Variants in RGS7 observed in about 807,000 individuals in gnomAD.
RGS7 encodes regulator of G-protein signaling 7.
In RGS7, 27 loss-of-function variants were observed where a neutral mutation model predicts 81.1. The ratio of observed to expected loss-of-function variants is 0.33; its 90% CI spans 0.25 to 0.46. The LOEUF (loss-of-function observed/expected upper bound fraction) is 0.46. RGS7 is among the 20% of genes least tolerant of loss of function. The pLI is 1.00. For missense variants in RGS7, 396 were observed against 607.4 expected, an observed-to-expected ratio of 0.65 and a Z score of 3.66; for synonymous variants, 208 against 207.7, an observed-to-expected ratio of 1.00 and a Z score of -0.01.
At chr1:241,001,150 A>G (rs1206774830) in intron 3 of RGS7, among the ~76,000 whole-genome samples, 1 of 152,190 alleles carries the variant, frequency 6.6e-6, no homozygotes. Context: ...GTGTGTTTTC[A>G]TAGGCTAATT....
intron 6 of RGS7, among the ~76,000 whole-genome samples, chr1:240,927,880 T>C (rs1674719872): frequency 6.6e-6 from 1 of 152,116 alleles, no homozygotes; most frequent in Non-Finnish European, 1.5e-5. Flanking sequence ...TAGGAGATGA[T>C]CCCCTCAGAA....
chr1:241,132,724 CAAT>C (rs2067193738), intron 2 of RGS7, among the ~76,000 whole-genome samples: 1 of 151,148 alleles, frequency 6.6e-6, no homozygotes, highest in African/African-American at 2.5e-5. Flanking sequence ...TAAGGTCTGT[CAAT>C]AATTCAACTT....
intron 2 of RGS7, among the ~76,000 whole-genome samples, chr1:241,225,526 A>C (rs11586394): frequency 0.18 from 26,820 of 152,202 alleles, 2,700 homozygotes; most frequent in Middle Eastern, 0.23. Context: ...CACTTGGTAC[A>C]TAGTGTTTGC....
At chr1:241,353,698 C>G (rs2083387704) in intron 2 of RGS7, among the ~76,000 whole-genome samples, 1 of 152,068 alleles carries the variant, frequency 6.6e-6, no homozygotes, top group Admixed American at 6.6e-5. Flanking sequence ...ATGAGTAGCA[C>G]AAGCAGTTCC....
chr1:241,027,931 T>C (rs959485646), intron 3 of RGS7, among the ~76,000 whole-genome samples: 2 of 152,170 alleles, frequency 1.3e-5, no homozygotes, highest in African/African-American at 4.8e-5. Context: ...ACAGGAAATA[T>C]GTGATTTATT....
At chr1:241,295,183 T>A (rs747709034) in intron 2 of RGS7, among the ~76,000 whole-genome samples, 1 of 152,156 alleles carries the variant, frequency 6.6e-6, no homozygotes, top group South Asian at 2.1e-4. Context: ...GTGCGGTGGC[T>A]CACGCCTGTA....
At chr1:240,912,278 T>C (rs945779154) in intron 6 of RGS7, among the ~76,000 whole-genome samples, 2 of 151,894 alleles carry the variant, frequency 1.3e-5, no homozygotes, top group Non-Finnish European at 2.9e-5. Context: ...TAAAATGTAG[T>C]TGGACAAGCA....
intron 2 of RGS7, among the ~76,000 whole-genome samples, chr1:241,198,603 C>T (rs965671186): frequency 1.3e-5 from 2 of 151,316 alleles, no homozygotes; most frequent in African/African-American, 4.9e-5. Context: ...TGAAAAAACA[C>T]AAGCTAACTA....
chr1:240,850,029 A>G (rs1659823598), intron 9 of RGS7, among the ~76,000 whole-genome samples: 1 of 152,264 alleles, frequency 6.6e-6, no homozygotes, highest in South Asian at 2.1e-4. Context: ...ACCTGCCTTC[A>G]GTAACAGCTT....
intron 6 of RGS7, among the ~76,000 whole-genome samples, chr1:240,887,234 T>G (rs796555380): frequency 0.37 from 55,190 of 147,478 alleles, 10,743 homozygotes; most frequent in East Asian, 0.5. Context: ...AGGTTTTTTT[T>G]TTTTTTTTTT....
chr1:240,908,503 G>A (rs906337593), intron 6 of RGS7, among the ~76,000 whole-genome samples: 6 of 152,132 alleles, frequency 3.9e-5, no homozygotes, highest in South Asian at 2.1e-4. Flanking sequence ...ATCAATCAAC[G>A]TCTTTCCTAT....
chr1:241,276,735 T>C (rs2078212713), intron 2 of RGS7, among the ~76,000 whole-genome samples: 1 of 152,230 alleles, frequency 6.6e-6, no homozygotes, highest in South Asian at 2.1e-4. Flanking sequence ...TAAAATGTAC[T>C]ACCTGGCATA....
rs56232293 is a variant in RGS7, at chr1:240,932,513, C to CTTTTTT, written c.334-1751_334-1746dup. On this transcript the variant is annotated intron_variant, in intron 5 of 18. Coordinates refer to ENST00000440928, the MANE Select transcript of RGS7 (RefSeq NM_001364886.1). ...AACTTTGCTTTCATGTAGGGTGTCA[C>CTTTTTT]TTTTTTTTTTTTTGAGACAGGGTCT... 1.1e-3 allele frequency among the ~76,000 whole-genome samples: 144 copies of CTTTTTT among 126,866 alleles called. 35 individuals carry two copies. Among genetic ancestry groups the CTTTTTT allele is most frequent in the South Asian group, 1.7e-3 (7 of 4,104 alleles). 83.2% of individuals were successfully genotyped at this position (126,866 alleles called of 152,430 possible). A position where few individuals can be genotyped will look rare whatever the true frequency, so the allele number is the denominator to read the frequency against.
rs2064899736 is a variant in RGS7 at position 241,103,393 on chromosome 1, G to C, written c.79-4631C>G. On this transcript the variant is annotated intron_variant, in intron 2 of 18. Transcript: ENST00000440928. ...GAGCTGGCATGCCTTGGGTCACCGA[G>C]GATTTTTCTGAAGGCTATTTTCTTT... Among the ~76,000 whole-genome samples the C allele has an allele frequency of 2.0e-5, 3 of 152,222 alleles. No homozygotes were observed. In the South Asian group the frequency reaches 6.2e-4, roughly 32 times the overall value.
chr1:240,988,531 T>G (rs1686000080), intron 3 of RGS7, among the ~76,000 whole-genome samples: 1 of 152,184 alleles, frequency 6.6e-6, no homozygotes, highest in Admixed American at 6.5e-5. Flanking sequence ...ATTAATGAAC[T>G]AAATTTCTCC....
At chr1:241,242,459 G>A (rs1573313493) in intron 2 of RGS7, among the ~76,000 whole-genome samples, 1 of 152,124 alleles carries the variant, frequency 6.6e-6, no homozygotes, top group Non-Finnish European at 1.5e-5. Flanking sequence ...TATCTTTCTC[G>A]TATAATGACT....
chr1:240,825,841 T>C (rs957533704), intron 10 of RGS7, among the ~76,000 whole-genome samples: 1 of 152,166 alleles, frequency 6.6e-6, no homozygotes, highest in Non-Finnish European at 1.5e-5. Flanking sequence ...GATGACTTTA[T>C]TGTGTCTAGG....
intron 2 of RGS7, among the ~76,000 whole-genome samples, chr1:241,212,547 G>T (rs1241897716): frequency 6.6e-6 from 1 of 152,162 alleles, no homozygotes. Context: ...TGGAGGAAAA[G>T]GTGGGCTTAC....
chr1:240,875,444 T>C (rs2148054839), intron 6 of RGS7, among the ~76,000 whole-genome samples: 1 of 152,314 alleles, frequency 6.6e-6, no homozygotes, highest in Middle Eastern at 3.4e-3. Flanking sequence ...TGCTGGACAC[T>C]TAGGTTGATT....
Sources: gnomAD v4.1 joint callset for allele counts (sites outside exome capture counted in the v4.1 genomes callset) on GRCh38, gnomAD v4.1.1 for gene constraint, MANE v1.5 for transcripts, NCBI Gene and HGNC (gene_info 2026-07-23, HGNC 2026-07-21) for gene names.